The following PTPRC variants were observed in gnomAD, a reference collection of about 807,000 sequenced individuals.
PTPRC encodes the protein protein tyrosine phosphatase receptor type C, also known as receptor-type tyrosine-protein phosphatase C.
In PTPRC, 44 loss-of-function variants were observed where a neutral mutation model predicts 155.9. That is an observed-to-expected ratio of 0.28 (90% CI 0.22 to 0.36). The LOEUF (loss-of-function observed/expected upper bound fraction) is 0.36, where lower values mean the gene tolerates loss of function less well. PTPRC is among the 10% of genes least tolerant of loss of function. PTPRC has a pLI of 1.00. For synonymous variants in PTPRC, 525 were observed against 533.1 expected (o/e 0.98, Z 0.21); for missense variants, 1,401 against 1,564.6 (o/e 0.90, Z 1.76).
Position 198,728,242 on chromosome 1 carries a change from A to T in PTPRC, c.1721-98A>T, listed in dbSNP as rs1029722056. ...TTTTTTAAAACCTCACAATAAATTTAAAAATATTAAAATATAAATACTTTG... is the reference window on the plus strand; with the variant it reads ...TTTTTTAAAACCTCACAATAAATTTTAAAATATTAAAATATAAATACTTTG... On this transcript the variant is annotated intron_variant, in intron 15 of 32. Coordinates refer to ENST00000442510, the MANE Select transcript of PTPRC (RefSeq NM_002838.5). The T allele has an allele frequency of 2.7e-5, 24 of 886,062 alleles. No individual in the cohort carries two copies. The South Asian group carries it at 4.0e-4, about 15-fold the overall frequency. 54.9% of individuals were successfully genotyped at this position (886,062 alleles called of 1,614,324 possible).
intron 2 of PTPRC, among the ~76,000 whole-genome samples, chr1:198,659,225 G>C (rs1019906907): frequency 2.6e-5 from 4 of 152,062 alleles, no homozygotes; most frequent in African/African-American, 4.8e-5. Context: ...TTTGATTTCT[G>C]CCTTGTTCTC....
intron 31 of PTPRC, among the ~76,000 whole-genome samples, chr1:198,753,354 C>T (rs1405107220): frequency 6.6e-6 from 1 of 151,696 alleles, no homozygotes; most frequent in Non-Finnish European, 1.5e-5. Context: ...GTGATAGGTG[C>T]TTACATATTC....
chr1:198,701,062 T>A (rs1221304968), intron 5 of PTPRC, among the ~76,000 whole-genome samples: 2 of 152,196 alleles, frequency 1.3e-5, no homozygotes, highest in Non-Finnish European at 2.9e-5. Context: ...TTTTAAAGGA[T>A]GAATAAATGA....
chr1:198,717,382 C>T (rs142344312), intron 13 of PTPRC, among the ~76,000 whole-genome samples: 76 of 152,274 alleles, frequency 5.0e-4, no homozygotes, highest in African/African-American at 1.8e-3. Context: ...ATAATCTCTC[C>T]ATAGTTTCCA....
chr1:198,706,588 A>G, intron 8 of PTPRC, 146 bp from the exon 9 acceptor site: 1 of 820,822 alleles, frequency 1.2e-6, no homozygotes, highest in Non-Finnish European at 1.9e-6. Context: ...AATTACGAAA[A>G]AAATGATATG....
chr1:198,720,818 G>T (rs74664136), intron 14 of PTPRC, among the ~76,000 whole-genome samples: 1 of 152,030 alleles, frequency 6.6e-6, no homozygotes, highest in South Asian at 2.1e-4. Context: ...CAACCTAAAA[G>T]AAATATTTTC....
At chr1:198,680,603 G>A (rs992364727) in intron 2 of PTPRC, among the ~76,000 whole-genome samples, 4 of 152,136 alleles carry the variant, frequency 2.6e-5, no homozygotes, top group Non-Finnish European at 5.9e-5. Flanking sequence ...AGACACATCA[G>A]TGCATTTTAC....
Position 198,718,060 on chromosome 1 carries a change from A to G in PTPRC, c.1451-34A>G, listed in dbSNP as rs377756789. 95 of 1,508,362 alleles carry G rather than the reference A, an allele frequency of 6.3e-5. No individual in the cohort carries two copies. In the African/African-American group the frequency reaches 1.3e-3, roughly 20 times the overall value. 93.4% of individuals were successfully genotyped at this position (1,508,362 alleles called of 1,614,324 possible). ...AGTAATTTACATATGCATCTATTAA[A>G]TTATTAATAACAAATCTTTCTTCAT... is the stretch of plus-strand genomic sequence containing the variant. On this transcript the variant is annotated intron_variant, in intron 13 of 32. Coordinates refer to ENST00000442510, the MANE Select transcript of PTPRC (RefSeq NM_002838.5).
intron 2 of PTPRC, chr1:198,679,918 G>A (rs1428450335): frequency 8.2e-6 from 5 of 607,580 alleles, no homozygotes; most frequent in Admixed American, 2.9e-5. Context: ...CTAGGTGGGC[G>A]TCAGCACTTT....
At chr1:198,703,272 T>G (rs371965220) in intron 6 of PTPRC, 26 bp from the exon 7 acceptor site, 13 of 1,612,078 alleles carry the variant, frequency 8.1e-6, no homozygotes, top group African/African-American at 5.3e-5. Context: ...TAATTAGCTT[T>G]TATTCTTCTA....
chr1:198,698,047 C>G (rs2102388801), intron 4 of PTPRC, among the ~76,000 whole-genome samples: 1 of 152,276 alleles, frequency 6.6e-6, no homozygotes, highest in Middle Eastern at 3.4e-3. Flanking sequence ...GTGCTGATGA[C>G]TAGGTGGAAC....
At chr1:198,734,098 T>C in intron 20 of PTPRC, 98 bp from the exon 21 acceptor site, 1 of 1,149,924 alleles carries the variant, frequency 8.7e-7, no homozygotes, top group Admixed American at 1.9e-5. Flanking sequence ...AATCACAAAA[T>C]GATGGATCTG....
At chr1:198,749,630 T>G in intron 28 of PTPRC, 81 bp downstream of exon 28, 1 of 1,394,354 alleles carries the variant, frequency 7.2e-7, no homozygotes, top group South Asian at 1.2e-5. Context: ...CATTAAGCGA[T>G]TTTATAAAAG....
intron 2 of PTPRC, chr1:198,678,989 G>T: frequency 4.7e-6 from 1 of 212,098 alleles, no homozygotes; most frequent in Admixed American, 5.7e-5. Flanking sequence ...CAGGCAGCAG[G>T]AAAAGTTACC....
At chr1:198,674,990 T>A (rs768057324) in intron 2 of PTPRC, among the ~76,000 whole-genome samples, 7 of 152,180 alleles carry the variant, frequency 4.6e-5, no homozygotes, top group South Asian at 2.1e-4. Context: ...CATTTATTTC[T>A]TATGCATCTT....
chr1:198,709,596 A>T (rs1653179844), intron 10 of PTPRC, 91 bp from the exon 11 acceptor site: 2 of 1,141,032 alleles, frequency 1.8e-6, no homozygotes, highest in Admixed American at 3.0e-5. Context: ...GATAAATATT[A>T]AATAGAGAAT....
At chr1:198,686,897 T>C (rs2102350012) in intron 2 of PTPRC, among the ~76,000 whole-genome samples, 1 of 152,356 alleles carries the variant, frequency 6.6e-6, no homozygotes, top group African/African-American at 2.4e-5. Context: ...CATCAGTTCA[T>C]TTGTTTTGCA....
chr1:198,752,042 C>T (rs1227616042), intron 29 of PTPRC, among the ~76,000 whole-genome samples: 1 of 151,982 alleles, frequency 6.6e-6, no homozygotes. Context: ...TTTTCTTACA[C>T]AAGGAAACAC....
chr1:198,729,097 T>G, intron 16 of PTPRC, 40 bp from the exon 17 acceptor site: 1 of 1,603,498 alleles, frequency 6.2e-7, no homozygotes. Context: ...AATTTTGTGC[T>G]TCTTGAGAAT....
Sources: allele counts gnomAD v4.1 joint callset (sites outside exome capture counted in the v4.1 genomes callset), GRCh38; gene constraint gnomAD v4.1.1; transcripts MANE v1.5; gene names NCBI Gene and HGNC (gene_info 2026-07-23, HGNC 2026-07-21).